Variants in AXL observed in about 807,000 individuals in gnomAD.
AXL encodes the protein tyrosine-protein kinase receptor UFO.
A neutral mutation model predicts 104.5 loss-of-function variants in AXL; 52 were observed. The ratio of observed to expected loss-of-function variants is 0.50; its 90% CI spans 0.40 to 0.63. The LOEUF is 0.63. Among genes scored for constraint, AXL ranks in the 20% least tolerant of loss-of-function variants. The pLI, the probability that AXL is intolerant of heterozygous loss-of-function variation, is 0.00. For synonymous variants in AXL, 455 were observed against 473.7 expected, an observed-to-expected ratio of 0.96 and a Z score of 0.51; for missense variants, 1,024 against 1,188.5, an observed-to-expected ratio of 0.86 and a Z score of 2.04.
In AXL at chr19:41,256,743, A is replaced by G. The variant is rs1458130920; in HGVS notation, c.2196+132A>G. 4.0e-6 allele frequency: 5 copies of G among 1,256,384 alleles called. No homozygotes were observed. The East Asian group carries it at 7.6e-5, about 19-fold the overall frequency. The allele number at this position is 1,256,384 out of a possible 1,614,324, so 77.8% of individuals were successfully genotyped here. A position where few individuals can be genotyped will look rare whatever the true frequency, so the allele number is the denominator to read the frequency against. ...CTTCCCTTTGCAGGGGCTTGTCCAC[A>G]TGGGCTGGGCATGTCTTGGGGTATG... On this transcript the variant is annotated intron_variant, in intron 18 of 19. Coordinates refer to ENST00000301178, the MANE Select transcript of AXL (RefSeq NM_021913.5).
rs773832815 is a variant in AXL at position 41,259,553 on chromosome 19, G to T, written c.2334G>T (p.Leu778=). The change falls in exon 20 of 20, where the codon CTG becomes CTT. Residue 778 remains leucine (L), a splice_region_variant and synonymous_variant. Coordinates refer to ENST00000301178, the MANE Select transcript of AXL (RefSeq NM_021913.5). ...CCCACCCCTCATTTTGCTGCCCTAG[G>T]TATGCCTTGATGTCGCGGTGCTGGG... The part of the protein sequence containing the change: ...LKQPADCLDG[L]YALMSRCWEL... The T allele has an allele frequency of 2.5e-6, 4 of 1,595,352 alleles. No individual in the cohort carries two copies. In the East Asian group the frequency reaches 8.9e-5, roughly 36 times the overall value.
At chr19:41,232,533 G>C (rs112434097) in intron 6 of AXL, among the ~76,000 whole-genome samples, 208 of 152,078 alleles carry the variant, frequency 1.4e-3, no homozygotes, top group African/African-American at 4.9e-3. Context: ...TGAGGCAGGA[G>C]AATCCCTTGA....
In AXL at chr19:41,248,567, G is replaced by A. The variant is rs756849263; in HGVS notation, c.1591G>A (p.Val531Met). ...ELKEKLRDVM[V>M]DRHKVALGKT... ...GAAGGAGAAGCTGCGGGATGTGATG[G>A]TGGACCGGCACAAGGTGGCCCTGGG... The change falls in exon 13 of 20, where the codon GTG becomes ATG. Residue 531 changes from valine to methionine, a missense_variant. Physicochemically the swap from Val to Met is conservative, Grantham distance 21. Around this residue, in one of 5 missense-constraint regions of AXL, gnomAD observed 523 missense variants for 636.0 expected, o/e 0.82. Coordinates refer to ENST00000301178, the MANE Select transcript of AXL (RefSeq NM_021913.5). The A allele has an allele frequency of 6.2e-7, 1 of 1,614,198 alleles. No individual in the cohort carries two copies. The highest frequency in any genetic ancestry group is 1.1e-5 in the South Asian group (1 of 91,086).
Position 41,252,828 on chromosome 19 carries a change from G to A in AXL, c.1805-18G>A. The A allele has an allele frequency of 1.2e-6, 2 of 1,613,524 alleles. No individual in the cohort carries two copies. The highest frequency in any genetic ancestry group is 2.2e-5 in the East Asian group (1 of 44,872). ...CCTTCTGCCCAGCAGGAGTGACAGGGCTACCTGGGGGGCTCAGGTGTCTGT... is the reference window on the plus strand; with the variant it reads ...CCTTCTGCCCAGCAGGAGTGACAGGACTACCTGGGGGGCTCAGGTGTCTGT... On this transcript the variant is annotated intron_variant, in intron 15 of 19. Transcript: ENST00000301178.
At chr19:41,236,098 A>AG (rs963714481) in intron 6 of AXL, among the ~76,000 whole-genome samples, 14 of 152,028 alleles carry the variant, frequency 9.2e-5, no homozygotes, top group African/African-American at 2.4e-4. Context: ...TGGGAGGCCG[A>AG]GGGGGGCGGA....
intron 4 of AXL, among the ~76,000 whole-genome samples, chr19:41,227,688 T>C (rs908573202): frequency 2.0e-5 from 3 of 151,984 alleles, no homozygotes; most frequent in Non-Finnish European, 2.9e-5. Flanking sequence ...GGGGTTTCAC[T>C]GTGTTGCCCA....
At position 41,259,746 on chromosome 19, in the gene AXL, C is replaced by G. The variant is rs763259677; in HGVS notation, c.2527C>G (p.Pro843Ala). 6.2e-7 allele frequency: 1 copy of G among 1,614,100 alleles called. No individual in the cohort carries two copies. Among genetic ancestry groups the G allele is most frequent in the Non-Finnish European group, 8.5e-7 (1 of 1,180,010 alleles). The change falls in exon 20 of 20, where the codon CCA (proline) becomes GCA (alanine). Residue 843 changes from proline to alanine, a missense_variant. This residue lies in a region of AXL where 523 missense variants were observed against 636.0 expected (regional missense o/e 0.82). Transcript: ENST00000301178. The part of the protein sequence containing the change: ...PPGAAGGADP[P>A]TQPDPKDSCS... The stretch of plus-strand genomic sequence containing the variant: ...TGGAGCTGCAGGAGGAGCTGACCCC[C>G]CAACCCAGCCAGACCCTAAGGATTC...
At chr19:41,221,075 G>C in intron 2 of AXL, 71 bp from the exon 3 acceptor site, 2 of 1,435,698 alleles carry the variant, frequency 1.4e-6, no homozygotes, top group Non-Finnish European at 9.6e-7. Context: ...CCCTCTTTCC[G>C]TTCTGACAGA....
At chr19:41,245,921 T>C (rs1410713028) in intron 12 of AXL, among the ~76,000 whole-genome samples, 1 of 152,134 alleles carries the variant, frequency 6.6e-6, no homozygotes, top group Non-Finnish European at 1.5e-5. Flanking sequence ...CTGAGTAACA[T>C]ACAGCATCCA....
chr19:41,235,771 CAG>C (rs2034068886), intron 6 of AXL, among the ~76,000 whole-genome samples: 1 of 152,186 alleles, frequency 6.6e-6, no homozygotes, highest in South Asian at 2.1e-4. Flanking sequence ...GTCATCTGTA[CAG>C]TGGGAATAAG....
In AXL at chr19:41,228,410, C is replaced by T. The variant is rs566949458; in HGVS notation, c.587-2557C>T. Among the ~76,000 whole-genome samples the T allele has an allele frequency of 1.5e-4, 23 of 152,088 alleles. No homozygotes were observed. In the South Asian group the frequency reaches 3.9e-3, roughly 26 times the overall value. ...TCTACTAAAAATTACAAAAATTAGCCGGGCATGGTGGCGCGCTCCTGTAAT... is the reference window on the plus strand; with the variant it reads ...TCTACTAAAAATTACAAAAATTAGCTGGGCATGGTGGCGCGCTCCTGTAAT... On this transcript the variant is annotated intron_variant, in intron 4 of 19. Transcript: ENST00000301178.
rs1007065743 is a variant in AXL at position 41,219,269 on chromosome 19, C to T, written c.-124C>T. On this transcript the variant is annotated 5_prime_UTR_variant, in exon 1 of 20. Transcript: ENST00000301178. ...AGCCGGTGGCAAGGGCCTCCCCTGCCGCTGTGCCAGGCAGGCAGTGCCAAA... is the reference window on the plus strand; with the variant it reads ...AGCCGGTGGCAAGGGCCTCCCCTGCTGCTGTGCCAGGCAGGCAGTGCCAAA... 3.2e-5 allele frequency: 29 copies of T among 913,026 alleles called. No homozygotes were observed. In the Admixed American group the frequency reaches 3.2e-4, roughly 10 times the overall value. The allele number at this position is 913,026 out of a possible 1,614,324, so 56.6% of individuals were successfully genotyped here. A position where few individuals can be genotyped will look rare whatever the true frequency, so the allele number is the denominator to read the frequency against.
chr19:41,225,079 C>T (rs2033855676), intron 4 of AXL, among the ~76,000 whole-genome samples: 1 of 152,234 alleles, frequency 6.6e-6, no homozygotes, highest in Non-Finnish European at 1.5e-5. Flanking sequence ...TCTTGGCTTA[C>T]TGTAACTTCC....
At chr19:41,227,720 C>A (rs1029621190) in intron 4 of AXL, among the ~76,000 whole-genome samples, 1 of 152,036 alleles carries the variant, frequency 6.6e-6, no homozygotes, top group Non-Finnish European at 1.5e-5. Flanking sequence ...AACTCCTAAT[C>A]TCAAGTGATC....
chr19:41,253,550 G>A (rs749699941), intron 16 of AXL, 49 bp from the exon 17 acceptor site: 36 of 1,307,268 alleles, frequency 2.8e-5, no homozygotes, highest in Admixed American at 2.7e-4. Context: ...AGGAGGGATC[G>A]CATCAAGGAC....
At position 41,221,816 on chromosome 19, in the gene AXL, T is replaced by C. The variant is rs116453684; in HGVS notation, c.410-64T>C. 187 of 1,550,874 alleles carry C rather than the reference T, an allele frequency of 1.2e-4. No individual in the cohort carries two copies. In the African/African-American group the frequency reaches 2.2e-3, roughly 19 times the overall value. On this transcript the variant is annotated intron_variant, in intron 3 of 19. Coordinates refer to ENST00000301178, the MANE Select transcript of AXL (RefSeq NM_021913.5). ...CTGCCCAAAGCCTACAGCATCCTAG[T>C]GGTGAGTCAGGCATCTTGGGGCCTC...
rs749768475 is a variant in AXL, at chr19:41,238,066, C to A, written c.906C>A (p.His302Gln). Residue 302 changes from histidine (H) to glutamine (Q), a missense_variant, in exon 7 of 20, where the codon CAC becomes CAA. This residue lies in a region of AXL where 332 missense variants were observed against 343.9 expected (regional missense o/e 0.97). Coordinates refer to ENST00000301178, the MANE Select transcript of AXL (RefSeq NM_021913.5). ...TTCGGCTAGGCAGCCTCCATCCTCACACCCCTTATCACATCCGCGTGGCAT... is the reference window on the plus strand; with the variant it reads ...TTCGGCTAGGCAGCCTCCATCCTCAAACCCCTTATCACATCCGCGTGGCAT... ...HQLRLGSLHP[H>Q]TPYHIRVACT... 6.2e-7 allele frequency: 1 copy of A among 1,614,050 alleles called. No homozygotes were observed. Among genetic ancestry groups the A allele is most frequent in the South Asian group, 1.1e-5 (1 of 91,076 alleles).
chr19:41,232,997 CT>C (rs879854399), intron 6 of AXL, among the ~76,000 whole-genome samples: 6 of 148,512 alleles, frequency 4.0e-5, no homozygotes, highest in Non-Finnish European at 4.5e-5. Flanking sequence ...TTTTTCTTTT[CT>C]TTTTTTTTTG....
At chr19:41,256,686 C>A in intron 18 of AXL, 75 bp downstream of exon 18, 1 of 1,571,710 alleles carries the variant, frequency 6.4e-7, no homozygotes, top group Non-Finnish European at 8.7e-7. Context: ...GCCTGGGTGG[C>A]TGTGGATGCA....
Sources: gnomAD v4.1 joint callset for allele counts (sites outside exome capture counted in the v4.1 genomes callset) on GRCh38, gnomAD v4.1.1 for gene constraint, gnomAD v4.1.1 regional missense constraint, MANE v1.5 for transcripts, NCBI Gene and HGNC (gene_info 2026-07-23, HGNC 2026-07-21) for gene names.